LYPLAL1: variants seen among roughly 807,000 people sequenced by gnomAD.
LYPLAL1 encodes the protein lysophospholipase-like protein 1.
Under a neutral mutation model 19.7 loss-of-function variants are expected in LYPLAL1, and 23 were observed. The observed-to-expected ratio is 1.17, with a 90% CI of 0.84 to 1.65. The LOEUF is 1.65. Among genes scored for constraint, LYPLAL1 ranks in the 40% most tolerant of loss-of-function variants. The pLI is 0.00. For synonymous variants in LYPLAL1, 119 were observed against 96.3 expected (o/e 1.24, Z -1.38); for missense variants, 355 against 279.4 (o/e 1.27, Z -1.93).
chr1:219,344,062 G>A, the LYPLAL1 span, among the ~76,000 whole-genome samples: 1 of 152,210 alleles, frequency 6.6e-6, no homozygotes, highest in East Asian at 1.9e-4. Context: ...TAGGGCTTGT[G>A]GATCCTGAGA....
At chr1:219,328,455 C>T in the LYPLAL1 span, among the ~76,000 whole-genome samples, 6 of 152,152 alleles carry the variant, frequency 3.9e-5, no homozygotes, top group African/African-American at 1.2e-4. Context: ...TCTTTGTGCC[C>T]ACCATTATCC....
chr1:219,190,247 C>T (rs916507018), intron 2 of LYPLAL1, among the ~76,000 whole-genome samples: 1 of 151,406 alleles, frequency 6.6e-6, no homozygotes, highest in South Asian at 2.1e-4. Flanking sequence ...ATATGTCTTA[C>T]AGAAATCAGG....
intron 2 of LYPLAL1, among the ~76,000 whole-genome samples, chr1:219,186,208 A>G (rs75207721): frequency 0.07 from 10,652 of 151,750 alleles, 499 homozygotes; most frequent in Non-Finnish European, 0.11. Flanking sequence ...TAGAGAAAAT[A>G]TCCTGTATGA....
chr1:219,180,021 G>C (rs994315853), intron 2 of LYPLAL1, among the ~76,000 whole-genome samples: 1 of 151,684 alleles, frequency 6.6e-6, no homozygotes, highest in Admixed American at 6.6e-5. Flanking sequence ...TTTCCAGACA[G>C]AGTCTCACTC....
At chr1:219,242,826 A>T in the LYPLAL1 span, among the ~76,000 whole-genome samples, 1 of 152,180 alleles carries the variant, frequency 6.6e-6, no homozygotes, top group Non-Finnish European at 1.5e-5. Context: ...GTGGAAATTA[A>T]GAATTTGGCA....
intron 3 of LYPLAL1, chr1:219,200,053 G>C: frequency 4.3e-6 from 1 of 230,930 alleles, no homozygotes; most frequent in Non-Finnish European, 9.2e-6. Flanking sequence ...GTGAGCAGTT[G>C]CTTTGCATCC....
chr1:219,391,035 C>G, the LYPLAL1 span, among the ~76,000 whole-genome samples: 1 of 152,132 alleles, frequency 6.6e-6, no homozygotes, highest in African/African-American at 2.4e-5. Flanking sequence ...TGACAAAAAG[C>G]CAACAACAAA....
chr1:219,314,634 C>T, the LYPLAL1 span, among the ~76,000 whole-genome samples: 14 of 152,142 alleles, frequency 9.2e-5, no homozygotes, highest in East Asian at 2.1e-3. Context: ...TTAGTAGAGA[C>T]GGGGTTTCAC....
chr1:219,355,586 G>A, the LYPLAL1 span, among the ~76,000 whole-genome samples: 6 of 152,144 alleles, frequency 3.9e-5, no homozygotes, highest in Admixed American at 3.9e-4. Context: ...AATATTACCA[G>A]AGATACAGAA....
chr1:219,221,037 C>T, the LYPLAL1 span, among the ~76,000 whole-genome samples: 1 of 152,284 alleles, frequency 6.6e-6, no homozygotes, highest in East Asian at 1.9e-4. Context: ...TGGCTGCCCT[C>T]ATTGCAAGAC....
At chr1:219,174,258 C>A in intron 1 of LYPLAL1, 1 of 1,352,220 alleles carries the variant, frequency 7.4e-7, no homozygotes, top group Non-Finnish European at 9.5e-7. Context: ...CCCCACAACA[C>A]ACCTCCCCAT....
At chr1:219,185,174 C>T (rs1416383475) in intron 2 of LYPLAL1, among the ~76,000 whole-genome samples, 1 of 151,488 alleles carries the variant, frequency 6.6e-6, no homozygotes, top group Non-Finnish European at 1.5e-5. Context: ...TCTGATTTGT[C>T]AAATTTATTG....
At chr1:219,297,956 CAGAG>C in the LYPLAL1 span, among the ~76,000 whole-genome samples, 17 of 152,158 alleles carry the variant, frequency 1.1e-4, no homozygotes, top group Admixed American at 3.9e-4. Context: ...GATAGAGACT[CAGAG>C]AGGTTAAGTA....
the LYPLAL1 span, among the ~76,000 whole-genome samples, chr1:219,402,822 G>A: frequency 6.6e-6 from 1 of 152,120 alleles, no homozygotes; most frequent in Non-Finnish European, 1.5e-5. Context: ...TAAGGAAGAA[G>A]TAAAAAGGTA....
chr1:219,199,621 CTT>C (rs895358522), intron 3 of LYPLAL1, among the ~76,000 whole-genome samples: 1 of 95,808 alleles, frequency 1.0e-5, no homozygotes. Context: ...TTTTTTTTTT[CTT>C]TTTTTTTTTG....
At chr1:219,409,648 G>C in the LYPLAL1 span, 2 of 152,186 alleles carry the variant, frequency 1.3e-5, no homozygotes, top group East Asian at 3.8e-4. Context: ...TCTTTAGTGA[G>C]ATGGGTCTCT....
chr1:219,258,474 C>T, the LYPLAL1 span, among the ~76,000 whole-genome samples: 1 of 151,990 alleles, frequency 6.6e-6, no homozygotes, highest in Admixed American at 6.6e-5. Flanking sequence ...CAACAAATAG[C>T]ATATTTTCCT....
chr1:219,372,774 T>C, the LYPLAL1 span, among the ~76,000 whole-genome samples: 1 of 151,996 alleles, frequency 6.6e-6, no homozygotes, highest in African/African-American at 2.4e-5. Flanking sequence ...CATGGTGATA[T>C]GCCCCTATAA....
the LYPLAL1 span, among the ~76,000 whole-genome samples, chr1:219,226,634 C>T: frequency 1.3e-5 from 2 of 151,794 alleles, no homozygotes; most frequent in Non-Finnish European, 2.9e-5. Flanking sequence ...AAATTCTGAT[C>T]CAGCTTTGTT....
Sources: allele counts gnomAD v4.1 joint callset (sites outside exome capture counted in the v4.1 genomes callset), GRCh38; gene constraint gnomAD v4.1.1; transcripts MANE v1.5; gene names NCBI Gene and HGNC (gene_info 2026-07-23, HGNC 2026-07-21).